Variants in DAB1 observed in about 807,000 individuals in gnomAD.
The protein encoded by DAB1 is disabled homolog 1.
A neutral mutation model predicts 64.6 loss-of-function variants in DAB1; 15 were observed. That is an observed-to-expected ratio of 0.23 (90% CI 0.16 to 0.36). DAB1 has a LOEUF of 0.36. Among genes scored for constraint, DAB1 ranks in the 10% least tolerant of loss-of-function variants. The pLI, the probability that DAB1 is intolerant of heterozygous loss-of-function variation, is 1.00. For missense variants in DAB1, 596 were observed against 706.7 expected (o/e 0.84, Z 1.78); for synonymous variants, 235 against 251.9 (o/e 0.93, Z 0.64).
At chr1:58,164,941 TA>T (rs567408137) in intron 4 of DAB1, among the ~76,000 whole-genome samples, 4 of 152,116 alleles carry the variant, frequency 2.6e-5, no homozygotes, top group African/African-American at 9.7e-5. Flanking sequence ...GGCTAACATT[TA>T]AAAAAATGTT....
At chr1:58,442,391 T>C (rs190022349) in intron 3 of DAB1, among the ~76,000 whole-genome samples, 1 of 152,290 alleles carries the variant, frequency 6.6e-6, no homozygotes, top group African/African-American at 2.4e-5. Flanking sequence ...ATTGTTCAGC[T>C]GAGGGAGAGA....
chr1:57,742,184 G>A (rs17116240), intron 6 of DAB1, among the ~76,000 whole-genome samples: 18,205 of 152,028 alleles, frequency 0.12, 1,417 homozygotes, highest in East Asian at 0.41. Flanking sequence ...GCATTTCTCA[G>A]ACTCAGAACA....
intron 4 of DAB1, among the ~76,000 whole-genome samples, chr1:58,243,412 C>T (rs1012925950): frequency 4.6e-5 from 7 of 152,046 alleles, no homozygotes; most frequent in African/African-American, 7.2e-5. Flanking sequence ...GATTTAAGTC[C>T]GCCTGCCCCT....
rs181814740 is a variant in DAB1 at position 58,250,167 on chromosome 1, G to C, written n.309+93185C>G. ...GCCCACTAGACGGACAGGCGCCCGC[G>C]GCCGCCCCTACCCCGGCGCGCCCAC... On this transcript the variant is annotated intron_variant and non_coding_transcript_variant, in intron 4 of 20. Transcript: ENST00000485760. 5.4e-3 allele frequency among the ~76,000 whole-genome samples: 815 copies of C among 152,270 alleles called. 19 individuals carry two copies. The East Asian group carries it at 0.06, about 11-fold the overall frequency.
chr1:57,201,529 T>C (rs1665095934), intron 2 of DAB1, among the ~76,000 whole-genome samples: 1 of 151,908 alleles, frequency 6.6e-6, no homozygotes, highest in Admixed American at 6.5e-5. Flanking sequence ...TTTTCTAGAC[T>C]TCACCAATTA....
intron 6 of DAB1, among the ~76,000 whole-genome samples, chr1:57,686,011 A>C (rs1646693100): frequency 6.6e-6 from 1 of 152,134 alleles, no homozygotes; most frequent in African/African-American, 2.4e-5. Flanking sequence ...TTAGAAAAAA[A>C]AGAACCAACC....
chr1:58,365,614 T>G (rs188434460), intron 3 of DAB1, among the ~76,000 whole-genome samples: 16 of 152,296 alleles, frequency 1.1e-4, no homozygotes, highest in South Asian at 8.3e-4. Flanking sequence ...ATTCTCCCTC[T>G]GACCAATCTT....
rs869176789 is a variant in DAB1, at chr1:58,000,564, C to CTTTTTTTT, written n.388-116410_388-116403dup. ...TATTCTCTCTTCTCCTCTTTTTTGC[C>CTTTTTTTT]TTTTTTTTTTTTTTTTTTTTTTTTG... On this transcript the variant is annotated intron_variant and non_coding_transcript_variant, in intron 5 of 20. Transcript: ENST00000485760. 3.2e-4 allele frequency among the ~76,000 whole-genome samples: 31 copies of CTTTTTTTT among 95,740 alleles called. 1 individual carries two copies. Among genetic ancestry groups the CTTTTTTTT allele is most frequent in the South Asian group, 4.3e-4 (1 of 2,340 alleles). 62.8% of individuals were successfully genotyped at this position (95,740 alleles called of 152,430 possible).
intron 3 of DAB1, among the ~76,000 whole-genome samples, chr1:58,490,796 T>A (rs1167463765): frequency 2.6e-4 from 5 of 19,076 alleles, no homozygotes; most frequent in African/African-American, 1.5e-3. Flanking sequence ...GTCAACATTC[T>A]TTTTTTTTTT....
chr1:57,778,989 T>C (rs530521031), intron 6 of DAB1, among the ~76,000 whole-genome samples: 1 of 151,852 alleles, frequency 6.6e-6, no homozygotes, highest in South Asian at 2.1e-4. Context: ...CTACAGAACA[T>C]GGAGAATCAG....
intron 3 of DAB1, among the ~76,000 whole-genome samples, chr1:58,457,623 G>C (rs1645204423): frequency 6.6e-6 from 1 of 152,212 alleles, no homozygotes; most frequent in African/African-American, 2.4e-5. Flanking sequence ...ATTTAGGGCT[G>C]CTCTGGCCTC....
At chr1:57,828,738 G>C (rs1224525580) in intron 1 of DAB1, among the ~76,000 whole-genome samples, 19 of 152,080 alleles carry the variant, frequency 1.2e-4, no homozygotes, top group Non-Finnish European at 7.4e-5. Flanking sequence ...AGAAAATTGT[G>C]GTTAAAATAA....
chr1:58,381,892 C>T (rs1443333333), intron 3 of DAB1, among the ~76,000 whole-genome samples: 1 of 102,712 alleles, frequency 9.7e-6, no homozygotes, highest in African/African-American at 3.3e-5. Context: ...TGAATGACAC[C>T]ATCAAAGAAG....
chr1:57,520,447 A>T (rs1213347635), intron 7 of DAB1, among the ~76,000 whole-genome samples: 1 of 152,164 alleles, frequency 6.6e-6, no homozygotes, highest in East Asian at 1.9e-4. Context: ...ACAAAGATTA[A>T]GGGTCAATTT....
At chr1:58,428,515 T>C (rs937119973) in intron 3 of DAB1, among the ~76,000 whole-genome samples, 3 of 152,244 alleles carry the variant, frequency 2.0e-5, no homozygotes, top group African/African-American at 7.2e-5. Flanking sequence ...CTGAATGTTA[T>C]ATATAAACAT....
In DAB1 at chr1:57,897,209, T is replaced by C. The variant is rs181828910; in HGVS notation, n.388-13047A>G. On this transcript the variant is annotated intron_variant and non_coding_transcript_variant, in intron 5 of 20. Transcript: ENST00000485760. ...ATGTTCTATCAAAGGATAATATATA[T>C]TTTCACCTTCAGAAAGGTTAGGTAA... Among the ~76,000 whole-genome samples the C allele has an allele frequency of 2.5e-4, 38 of 152,296 alleles. No homozygotes were observed. The East Asian group carries it at 5.4e-3, about 22-fold the overall frequency.
At chr1:57,900,256 C>A (rs935432000) in intron 5 of DAB1, among the ~76,000 whole-genome samples, 6 of 152,112 alleles carry the variant, frequency 3.9e-5, no homozygotes, top group African/African-American at 1.4e-4. Flanking sequence ...GTGGAATGGA[C>A]AGTCTCCCAT....
In DAB1 at chr1:58,323,096, G is replaced by T. The variant is rs535071986; in HGVS notation, n.309+20256C>A. On this transcript the variant is annotated intron_variant and non_coding_transcript_variant, in intron 4 of 20. Coordinates refer to the DAB1 transcript ENST00000485760. The stretch of plus-strand genomic sequence containing the variant: ...CACACATGCGTTCCTATTGTGGGGT[G>T]GGGGGCAGGGGGAGGGATAGCAGTA... 1.2e-3 allele frequency among the ~76,000 whole-genome samples: 182 copies of T among 151,800 alleles called. 1 individual carries two copies. The highest frequency in any genetic ancestry group is 2.4e-3 in the Admixed American group (37 of 15,250).
intron 3 of DAB1, among the ~76,000 whole-genome samples, chr1:57,143,747 A>C (rs536323558): frequency 1.3e-5 from 2 of 152,226 alleles, no homozygotes; most frequent in African/African-American, 4.8e-5. Context: ...GCATCTATGA[A>C]AGTAAAGGTG....
Sources: allele counts gnomAD v4.1 joint callset (sites outside exome capture counted in the v4.1 genomes callset), GRCh38; gene constraint gnomAD v4.1.1; transcripts MANE v1.5; gene names NCBI Gene and HGNC (gene_info 2026-07-23, HGNC 2026-07-21).